GLIS3: variants seen among roughly 807,000 people sequenced by gnomAD.
GLIS3 encodes the protein GLIS family zinc finger 3.
GLIS3 carries 53 observed loss-of-function variants against 78.6 expected under a neutral mutation model. That is an observed-to-expected ratio of 0.67 (90% CI 0.54 to 0.85). The LOEUF (loss-of-function observed/expected upper bound fraction) is 0.85. Among genes scored for constraint, GLIS3 ranks in the 40% least tolerant of loss-of-function variants. The pLI is 0.00. For synonymous variants in GLIS3, 684 were observed against 509.9 expected (o/e 1.34, Z -4.60); for missense variants, 1,703 against 1,231.1 (o/e 1.38, Z -5.74).
rs139171799 is a variant in GLIS3 at position 4,335,472 on chromosome 9, A to C, written n.264+11609T>G. The stretch of plus-strand genomic sequence containing the variant: ...CTACTCCATAAAGGGCTTCTGCTCT[A>C]ATCATCTGAATTATCACTTCTGCTC... On this transcript the variant is annotated intron_variant and non_coding_transcript_variant, in intron 2 of 4. Transcript: ENST00000471664. 4.6e-5 allele frequency among the ~76,000 whole-genome samples: 7 copies of C among 152,322 alleles called. No homozygotes were observed. In the South Asian group the frequency reaches 8.3e-4, roughly 18 times the overall value.
intron 2 of GLIS3, among the ~76,000 whole-genome samples, chr9:4,170,337 A>G (rs928904344): frequency 2.6e-5 from 4 of 152,248 alleles, no homozygotes; most frequent in African/African-American, 9.6e-5. Flanking sequence ...AGAATGGCCA[A>G]CCAAGTATGT....
chr9:4,012,425 C>G (rs1822090296), intron 4 of GLIS3, among the ~76,000 whole-genome samples: 1 of 151,876 alleles, frequency 6.6e-6, no homozygotes, highest in Non-Finnish European at 1.5e-5. Context: ...TTACCTGTAT[C>G]AGGGGAAAAA....
At chr9:4,434,902 A>G in the GLIS3 span, among the ~76,000 whole-genome samples, 4 of 152,240 alleles carry the variant, frequency 2.6e-5, no homozygotes, top group Non-Finnish European at 2.9e-5. Context: ...AATTCAAAGA[A>G]GATGTGATCC....
At chr9:4,489,719 T>G in the GLIS3 span, among the ~76,000 whole-genome samples, 1 of 152,178 alleles carries the variant, frequency 6.6e-6, no homozygotes, top group Non-Finnish European at 1.5e-5. Context: ...GGTCCGGTTC[T>G]CAGTTCTAAT....
Position 3,830,008 on chromosome 9 carries a change from G to A in GLIS3, c.2474-516C>T, listed in dbSNP as rs188107937. 2.1e-3 allele frequency among the ~76,000 whole-genome samples: 324 copies of A among 152,270 alleles called. 1 individual carries two copies. Among genetic ancestry groups the A allele is most frequent in the Middle Eastern group, 0.017 (5 of 294 alleles). ...TAGATCTTATTATCCTGGCTAGGTA[G>A]ACAGTGTTCCATAGTTGGATATACT... On this transcript the variant is annotated intron_variant, in intron 9 of 10. Transcript: ENST00000381971.
intron 6 of GLIS3, among the ~76,000 whole-genome samples, chr9:3,909,280 C>T (rs1193945355): frequency 1.3e-5 from 2 of 152,160 alleles, no homozygotes; most frequent in Admixed American, 1.3e-4. Context: ...ATATTAATTA[C>T]AATTAATTTT....
intron 4 of GLIS3, among the ~76,000 whole-genome samples, chr9:3,967,010 GCAAAA>G (rs1187307035): frequency 3.6e-5 from 1 of 27,860 alleles, no homozygotes; most frequent in African/African-American, 1.1e-4. Context: ...ATTTCTTTCT[GCAAAA>G]AAAAAAAAAA....
the GLIS3 span, among the ~76,000 whole-genome samples, chr9:4,483,600 A>C: frequency 3.7e-4 from 56 of 152,122 alleles, no homozygotes; most frequent in Middle Eastern, 6.8e-3. Context: ...CACGCCTGTA[A>C]TCCCAACTAC....
At chr9:3,903,432 T>C (rs1214958611) in intron 6 of GLIS3, among the ~76,000 whole-genome samples, 3 of 152,236 alleles carry the variant, frequency 2.0e-5, no homozygotes, top group African/African-American at 7.2e-5. Flanking sequence ...AATTCACCTA[T>C]TTCAAAGGAC....
intron 4 of GLIS3, among the ~76,000 whole-genome samples, chr9:4,049,293 C>T (rs970640406): frequency 1.3e-5 from 2 of 152,128 alleles, no homozygotes; most frequent in Non-Finnish European, 2.9e-5. Context: ...ACCTAAGATC[C>T]CCCTGCTACT....
At chr9:4,454,275 G>T in the GLIS3 span, among the ~76,000 whole-genome samples, 5 of 152,028 alleles carry the variant, frequency 3.3e-5, no homozygotes, top group Non-Finnish European at 7.4e-5. Flanking sequence ...AAAGTACTAG[G>T]ATTACAGGCA....
intron 6 of GLIS3, among the ~76,000 whole-genome samples, chr9:3,916,791 T>C (rs923561721): frequency 1.3e-5 from 2 of 152,214 alleles, no homozygotes; most frequent in African/African-American, 4.8e-5. Context: ...ATATTTTAAA[T>C]GAGACTTCAT....
At chr9:3,841,758 G>T (rs1268253460) in intron 9 of GLIS3, among the ~76,000 whole-genome samples, 1 of 152,146 alleles carries the variant, frequency 6.6e-6, no homozygotes, top group South Asian at 2.1e-4. Context: ...ATCCCTACTG[G>T]GTGGCTGCAA....
At position 4,224,662 on chromosome 9, in the gene GLIS3, T is replaced by C. The variant is rs568259520; in HGVS notation, c.388+61376A>G. ...CATTTTGAGTCCTAACTTCACCCTT[T>C]GTTACATCCCACTTTCCCTTCTCCT... On this transcript the variant is annotated intron_variant, in intron 2 of 10. Transcript: ENST00000381971. Among the ~76,000 whole-genome samples, 21 of 152,076 alleles carry C rather than the reference T, an allele frequency of 1.4e-4. No individual in the cohort carries two copies. The South Asian group carries it at 4.4e-3, about 32-fold the overall frequency.
At chr9:4,166,134 T>C (rs1564141193) in intron 2 of GLIS3, among the ~76,000 whole-genome samples, 2 of 152,182 alleles carry the variant, frequency 1.3e-5, no homozygotes, top group South Asian at 2.1e-4. Flanking sequence ...CAGAAAACAA[T>C]GGCACATCAC....
chr9:4,031,985 T>C (rs910924077), intron 4 of GLIS3, among the ~76,000 whole-genome samples: 1 of 151,302 alleles, frequency 6.6e-6, no homozygotes, highest in Non-Finnish European at 1.5e-5. Flanking sequence ...AGATAGGAGG[T>C]TAAGTTGAGC....
At chr9:4,124,535 C>G (rs1038214773) in intron 3 of GLIS3, among the ~76,000 whole-genome samples, 5 of 152,210 alleles carry the variant, frequency 3.3e-5, no homozygotes, top group Non-Finnish European at 5.9e-5. Context: ...CTCAGCAAGT[C>G]TGAGAAGTCC....
At chr9:4,228,555 T>A (rs1276502350) in intron 2 of GLIS3, among the ~76,000 whole-genome samples, 1 of 152,224 alleles carries the variant, frequency 6.6e-6, no homozygotes, top group Non-Finnish European at 1.5e-5. Flanking sequence ...TCTCATTAGA[T>A]GAAGCTGCAA....
chr9:3,878,296 G>T (rs945279200), intron 8 of GLIS3, among the ~76,000 whole-genome samples: 3 of 151,804 alleles, frequency 2.0e-5, no homozygotes, highest in Admixed American at 2.0e-4. Context: ...TTGAATGCCT[G>T]TCCTCACCAT....
Sources: gnomAD v4.1 joint callset for allele counts (sites outside exome capture counted in the v4.1 genomes callset) on GRCh38, gnomAD v4.1.1 for gene constraint, MANE v1.5 for transcripts, NCBI Gene and HGNC (gene_info 2026-07-23, HGNC 2026-07-21) for gene names.